Variants in MYO1H observed in about 807,000 individuals in gnomAD.
The protein encoded by MYO1H is unconventional myosin-Ih.
MYO1H carries 118 observed loss-of-function variants against 149.3 expected under a neutral mutation model. The observed-to-expected ratio is 0.79, with a 90% CI of 0.68 to 0.92. The LOEUF is 0.92. Among genes scored for constraint, MYO1H ranks in the 40% least tolerant of loss-of-function variants. The probability of loss-of-function intolerance (pLI) is 0.00; values close to 1 mark genes in which losing one functional copy is unlikely to be tolerated. For synonymous variants in MYO1H, 447 were observed against 465.2 expected (o/e 0.96, Z 0.50); for missense variants, 1,212 against 1,280.7 (o/e 0.95, Z 0.82).
At chr12:109,344,847 G>A (rs761478604), upstream of MYO1H, among the ~76,000 whole-genome samples, 2 of 152,128 alleles carry the variant, frequency 1.3e-5, no homozygotes, top group Non-Finnish European at 2.9e-5. Context: ...ATTGATTTTC[G>A]ACAAGGGAGC....
At chr12:109,320,455 C>CAAAAAAAAAAAAAAAAAAA in the MYO1H span, among the ~76,000 whole-genome samples, 5 of 63,322 alleles carry the variant, frequency 7.9e-5, 2 homozygotes, top group Non-Finnish European at 1.4e-4. Context: ...ATTAAAAATA[C>CAAAAAAAAAAAAAAAAAAA]AAAAAAAAAA....
exon 22 of MYO1H, chr12:109,436,497 T>A (rs1592818407): frequency 1.2e-6 from 2 of 1,610,008 alleles, no homozygotes; most frequent in Non-Finnish European, 1.7e-6. Flanking sequence ...GTTGCAAGAA[T>A]CCAAGCCACT....
chr12:109,407,751 T>G, intron 9 of MYO1H, 43 bp from the exon 10 acceptor site: 1 of 1,600,002 alleles, frequency 6.2e-7, no homozygotes, highest in Non-Finnish European at 8.5e-7. Flanking sequence ...TCTGGGGGCT[T>G]CTTTTTTCCA....
Position 109,406,686 on chromosome 12 carries a change from A to C in MYO1H, c.964-103A>C, listed in dbSNP as rs147022229. 725 of 1,095,150 alleles carry C rather than the reference A, an allele frequency of 6.6e-4. 6 individuals carry two copies. The African/African-American group carries it at 9.9e-3, about 15-fold the overall frequency. The allele number at this position is 1,095,150 out of a possible 1,614,324, so 67.8% of individuals were successfully genotyped here. On this transcript the variant is annotated intron_variant, in intron 8 of 31. Transcript: ENST00000310903. ...CAATGAGCTATGATTGTGCCACCAC[A>C]TTCCCACCTGGGTAACAGAGCCATA...
At chr12:109,326,188 C>T in the MYO1H span, among the ~76,000 whole-genome samples, 1 of 152,214 alleles carries the variant, frequency 6.6e-6, no homozygotes, top group Non-Finnish European at 1.5e-5. Context: ...TCCAGGCATC[C>T]TCCTCATCCA....
At chr12:109,355,255 G>T (rs1418263738) in intron 1 of MYO1H, among the ~76,000 whole-genome samples, 1 of 152,036 alleles carries the variant, frequency 6.6e-6, no homozygotes, top group African/African-American at 2.4e-5. Context: ...GACTTCAGGG[G>T]AATAACAATT....
the MYO1H span, among the ~76,000 whole-genome samples, chr12:109,316,799 C>T: frequency 3.3e-5 from 5 of 152,100 alleles, no homozygotes; most frequent in East Asian, 5.8e-4. Context: ...TTGGGACCCT[C>T]GGGTCCCTAA....
At chr12:109,310,773 CT>C in the MYO1H span, among the ~76,000 whole-genome samples, 5 of 152,320 alleles carry the variant, frequency 3.3e-5, no homozygotes, top group African/African-American at 7.2e-5. Flanking sequence ...GTCCTTCCTC[CT>C]TTCTTCTCTG....
At chr12:109,367,171 C>A (rs1219586110) in intron 1 of MYO1H, among the ~76,000 whole-genome samples, 3 of 152,074 alleles carry the variant, frequency 2.0e-5, no homozygotes, top group Admixed American at 2.0e-4. Context: ...GTTTCATAAG[C>A]AAAGTCAAAA....
intron 1 of MYO1H, among the ~76,000 whole-genome samples, chr12:109,356,652 A>G (rs1868613367): frequency 6.6e-6 from 1 of 151,898 alleles, no homozygotes; most frequent in Non-Finnish European, 1.5e-5. Context: ...TTTCCCCTCC[A>G]CCTCTAACTC....
rs559770546 is a variant in MYO1H at position 109,393,447 on chromosome 12, G to A, written c.290+1G>A. 4.3e-5 allele frequency: 67 copies of A among 1,561,464 alleles called. No individual in the cohort carries two copies. Among genetic ancestry groups the A allele is most frequent in the Admixed American group, 5.6e-5 (3 of 53,598 alleles). ...ATTTCTTTGAACTGCCACCACATGT[G>A]TAAGTAGCATCCACAGGATCATCAC... On this transcript the variant is annotated splice_donor_variant, in intron 3 of 31. Transcript: ENST00000310903. LOFTEE classifies it high-confidence loss of function.
Position 109,437,859 on chromosome 12 carries a change from G to A in MYO1H, c.2210-677G>A, listed in dbSNP as rs374682232. 2.6e-5 allele frequency among the ~76,000 whole-genome samples: 4 copies of A among 152,152 alleles called. No individual in the cohort carries two copies. The South Asian group carries it at 6.2e-4, about 24-fold the overall frequency. ...TTTCAGCACTTTGGGAGGCTGACGTGGGCAGATAACCTGAGGTCAGGAGTT... is the reference window on the plus strand; with the variant it reads ...TTTCAGCACTTTGGGAGGCTGACGTAGGCAGATAACCTGAGGTCAGGAGTT... On this transcript the variant is annotated intron_variant, in intron 22 of 31. Coordinates refer to ENST00000310903, the Ensembl canonical transcript of MYO1H.
chr12:109,432,803 C>T (rs1336480567), intron 19 of MYO1H, 94 bp from the exon 20 acceptor site: 8 of 982,274 alleles, frequency 8.1e-6, no homozygotes, highest in Non-Finnish European at 1.3e-5. Flanking sequence ...CGACATGCCA[C>T]AGCAGTGCTC....
intron 1 of MYO1H, among the ~76,000 whole-genome samples, chr12:109,352,074 A>G (rs1433702185): frequency 6.6e-6 from 1 of 152,200 alleles, no homozygotes; most frequent in Non-Finnish European, 1.5e-5. Context: ...GTTTCTCTCA[A>G]TACAGTCCAG....
chr12:109,344,154 A>G (rs140366054), upstream of MYO1H, among the ~76,000 whole-genome samples: 366 of 152,304 alleles, frequency 2.4e-3, no homozygotes, highest in Non-Finnish European at 4.0e-3. Context: ...AAGACCACAG[A>G]GGCAGGGTGT....
intron 1 of MYO1H, among the ~76,000 whole-genome samples, chr12:109,349,658 CAAAAAAA>C (rs398021025): frequency 8.3e-6 from 1 of 120,406 alleles, no homozygotes; most frequent in Non-Finnish European, 1.7e-5. Context: ...AACCCTGTCT[CAAAAAAA>C]AAAAAAAAAA....
chr12:109,326,437 A>G, the MYO1H span, among the ~76,000 whole-genome samples: 1 of 152,190 alleles, frequency 6.6e-6, no homozygotes, highest in Non-Finnish European at 1.5e-5. Context: ...ACAAGTGAGT[A>G]ACAAGCCACC....
At chr12:109,392,388 C>G (rs1459526605) in intron 2 of MYO1H, among the ~76,000 whole-genome samples, 2 of 152,160 alleles carry the variant, frequency 1.3e-5, no homozygotes, top group Non-Finnish European at 2.9e-5. Context: ...TTACAGCTGG[C>G]TCCTCATCCT....
At chr12:109,350,793 A>G (rs34450456) in intron 1 of MYO1H, among the ~76,000 whole-genome samples, 31 of 151,978 alleles carry the variant, frequency 2.0e-4, no homozygotes, top group African/African-American at 6.5e-4. Context: ...TAGGTAATTT[A>G]AAAAAGATTT....
Sources: gnomAD v4.1 joint callset for allele counts (sites outside exome capture counted in the v4.1 genomes callset) on GRCh38, gnomAD v4.1.1 for gene constraint, MANE v1.5 for transcripts, NCBI Gene and HGNC (gene_info 2026-07-23, HGNC 2026-07-21) for gene names.